Variants in ETFA observed in about 807,000 individuals in gnomAD.
The protein encoded by ETFA is electron transfer flavoprotein subunit alpha, mitochondrial.
A neutral mutation model predicts 46.2 loss-of-function variants in ETFA; 22 were observed. The observed-to-expected ratio is 0.48, with a 90% CI of 0.34 to 0.68. The LOEUF (loss-of-function observed/expected upper bound fraction) is 0.68. Among genes scored for constraint, ETFA ranks in the 30% least tolerant of loss-of-function variants. The pLI, the probability that ETFA is intolerant of heterozygous loss-of-function variation, is 0.01. For synonymous variants in ETFA, 131 were observed against 139.9 expected, an observed-to-expected ratio of 0.94 and a Z score of 0.45; for missense variants, 345 against 401.1, an observed-to-expected ratio of 0.86 and a Z score of 1.19.
chr15:76,302,003 A>G (rs1005746764), intron 1 of ETFA, among the ~76,000 whole-genome samples: 2 of 152,256 alleles, frequency 1.3e-5, no homozygotes, highest in African/African-American at 4.8e-5. Context: ...CACACTTATT[A>G]GAATGGTAAA....
intron 9 of ETFA, among the ~76,000 whole-genome samples, chr15:76,248,057 C>T (rs2039260392): frequency 6.6e-6 from 1 of 152,140 alleles, no homozygotes; most frequent in Non-Finnish European, 1.5e-5. Flanking sequence ...TGAAGCTTAA[C>T]AAATGAATTC....
chr15:76,292,453 G>A lies in ETFA; in HGVS notation c.329C>T (p.Ala110Val). The A allele has an allele frequency of 5.6e-6, 9 of 1,613,434 alleles. No individual in the cohort carries two copies. Among genetic ancestry groups the A allele is most frequent in the African/African-American group, 1.3e-5 (1 of 75,034 alleles). The change falls in exon 4 of 12, where the codon GCT becomes GTT. Residue 110 changes from alanine (A) to valine (V), a missense_variant. By Grantham distance (64) the Ala-to-Val change is moderately conservative (BLOSUM62 0). Transcript: ENST00000557943. ...QKQFNYTHIC[A>V]GASAFGKNLL... ...CACCTTTCCGAAGGCAGATGCTCCA[G>A]CACAGATGTGTGTGTAATTGAACTG...
intron 9 of ETFA, among the ~76,000 whole-genome samples, chr15:76,258,336 C>T (rs1427324036): frequency 6.6e-6 from 1 of 152,076 alleles, no homozygotes; most frequent in Non-Finnish European, 1.5e-5. Context: ...GGAAGAGGGA[C>T]ACCTTATAGC....
At chr15:76,271,169 CAA>C (rs35403723) in intron 9 of ETFA, among the ~76,000 whole-genome samples, 26 of 57,522 alleles carry the variant, frequency 4.5e-4, no homozygotes, top group East Asian at 9.6e-4. Context: ...GACTATGTCT[CAA>C]AAAAAAAAAA....
chr15:76,286,968 TA>T (rs1481646027), intron 5 of ETFA, among the ~76,000 whole-genome samples: 1 of 152,204 alleles, frequency 6.6e-6, no homozygotes, highest in Non-Finnish European at 1.5e-5. Context: ...GCTATCACAT[TA>T]ACAGTAACCT....
At chr15:76,260,813 C>A in intron 9 of ETFA, 1 of 1,607,478 alleles carries the variant, frequency 6.2e-7, no homozygotes, top group Non-Finnish European at 8.5e-7. Context: ...TGGCACAGCA[C>A]ACCCTGAGGC....
intron 9 of ETFA, chr15:76,259,716 T>C (rs1339757305): frequency 1.8e-5 from 26 of 1,407,108 alleles, no homozygotes; most frequent in Non-Finnish European, 2.3e-5. Flanking sequence ...CACACGGTCA[T>C]GTCCCCTGCC....
At chr15:76,288,232 T>A (rs985685841) in intron 4 of ETFA, among the ~76,000 whole-genome samples, 2 of 152,098 alleles carry the variant, frequency 1.3e-5, no homozygotes, top group African/African-American at 4.8e-5. Flanking sequence ...TTAATAAACA[T>A]CAATTACCAA....
chr15:76,261,422 C>T lies in ETFA; in HGVS notation c.816+12990G>A, dbSNP rs181885001. On this transcript the variant is annotated intron_variant, in intron 9 of 11. Transcript: ENST00000557943. ...CTGAGGAAGCCGATCCAGTGCTGCT[C>T]GCTGACTGGGATGAACCAGTTCTGG... The T allele has an allele frequency of 9.1e-5, 116 of 1,275,548 alleles. No individual in the cohort carries two copies. In the African/African-American group the frequency reaches 1.2e-3, roughly 13 times the overall value. The allele number at this position is 1,275,548 out of a possible 1,614,324, so 79.0% of individuals were successfully genotyped here. A position where few individuals can be genotyped will look rare whatever the true frequency, so the allele number is the denominator to read the frequency against.
chr15:76,291,508 T>C (rs1015788613), intron 4 of ETFA, among the ~76,000 whole-genome samples: 6 of 149,360 alleles, frequency 4.0e-5, no homozygotes, highest in African/African-American at 1.5e-4. Flanking sequence ...CCCAGTACTT[T>C]GGGGGGCCGA....
chr15:76,311,412 C>CG lies in ETFA; in HGVS notation c.-25dup. 1.3e-6 allele frequency: 2 copies of CG among 1,553,958 alleles called. No individual in the cohort carries two copies. The highest frequency in any genetic ancestry group is 2.4e-5 in the South Asian group (2 of 84,474). On this transcript the variant is annotated 5_prime_UTR_variant, in exon 1 of 12. Coordinates refer to ENST00000557943, the MANE Select transcript of ETFA (RefSeq NM_000126.4). ...ATGGTCTCCGCTTCCGCCGCAACCT[C>CG]GGCCTTACAGCAGCCCCGTGCCCGG...
chr15:76,267,571 A>G (rs375565055), intron 9 of ETFA, among the ~76,000 whole-genome samples: 1 of 152,252 alleles, frequency 6.6e-6, no homozygotes, highest in African/African-American at 2.4e-5. Context: ...TGGATCTACT[A>G]ATGGAAAAGC....
At chr15:76,289,346 T>C (rs923323328) in intron 4 of ETFA, among the ~76,000 whole-genome samples, 12 of 152,230 alleles carry the variant, frequency 7.9e-5, no homozygotes, top group Non-Finnish European at 1.5e-4. Flanking sequence ...GAATTATTAC[T>C]GGAATAGTTA....
At chr15:76,278,797 T>C (rs563895100) in intron 8 of ETFA, among the ~76,000 whole-genome samples, 1 of 152,296 alleles carries the variant, frequency 6.6e-6, no homozygotes, top group East Asian at 1.9e-4. Context: ...AAGTAACACA[T>C]CTACCCACCA....
chr15:76,253,476 C>T (rs2039320466), intron 9 of ETFA, among the ~76,000 whole-genome samples: 1 of 151,964 alleles, frequency 6.6e-6, no homozygotes, highest in Non-Finnish European at 1.5e-5. Flanking sequence ...TGATGCTTTC[C>T]ATAGCTATTC....
At chr15:76,260,579 C>G in intron 9 of ETFA, 1 of 1,503,650 alleles carries the variant, frequency 6.7e-7, no homozygotes, top group Non-Finnish European at 9.1e-7. Context: ...TGGCCCTGGT[C>G]CCCTCCATTG....
intron 9 of ETFA, among the ~76,000 whole-genome samples, chr15:76,232,148 C>G (rs2039075025): frequency 6.6e-6 from 1 of 152,180 alleles, no homozygotes; most frequent in South Asian, 2.1e-4. Flanking sequence ...GTACCTCTTC[C>G]TGCCCCTCTG....
chr15:76,242,208 C>T (rs912669137), intron 9 of ETFA, among the ~76,000 whole-genome samples: 79 of 152,254 alleles, frequency 5.2e-4, no homozygotes, highest in African/African-American at 1.8e-3. Context: ...TACATTTCTA[C>T]GTAGAATTTT....
intron 9 of ETFA, among the ~76,000 whole-genome samples, chr15:76,266,897 C>G (rs1312202155): frequency 7.2e-6 from 1 of 138,482 alleles, no homozygotes; most frequent in Non-Finnish European, 1.6e-5. Flanking sequence ...AAGCGAGACT[C>G]CGTTTAAAAA....
Sources: allele counts gnomAD v4.1 joint callset (sites outside exome capture counted in the v4.1 genomes callset), GRCh38; gene constraint gnomAD v4.1.1; transcripts MANE v1.5; gene names NCBI Gene and HGNC (gene_info 2026-07-23, HGNC 2026-07-21).